Variants in ZNF804B observed in about 807,000 individuals in gnomAD.
The protein encoded by ZNF804B is zinc finger 804B.
Under a neutral mutation model 101.4 loss-of-function variants are expected in ZNF804B, and 80 were observed. The observed-to-expected ratio is 0.79, with a 90% CI of 0.66 to 0.95. The LOEUF (loss-of-function observed/expected upper bound fraction) is 0.95. Ranked by LOEUF, ZNF804B falls within the 40% of genes least tolerant of loss-of-function variation. ZNF804B has a pLI of 0.00. For synonymous variants in ZNF804B, 622 were observed against 558.8 expected, an observed-to-expected ratio of 1.11 and a Z score of -1.59; for missense variants, 1,673 against 1,561.9, an observed-to-expected ratio of 1.07 and a Z score of -1.20.
intron 1 of ZNF804B, among the ~76,000 whole-genome samples, chr7:88,949,323 C>T (rs1285273489): frequency 6.6e-6 from 1 of 151,680 alleles, no homozygotes; most frequent in Non-Finnish European, 1.5e-5. Flanking sequence ...GGCCTCTACT[C>T]ACTGGATGCT....
At chr7:89,118,605 C>T (rs1456358069) in intron 1 of ZNF804B, among the ~76,000 whole-genome samples, 2 of 151,988 alleles carry the variant, frequency 1.3e-5, no homozygotes, top group African/African-American at 4.8e-5. Context: ...TAAGAAGTGC[C>T]CCCGGCTCTC....
At chr7:89,075,681 T>A (rs569211099) in intron 1 of ZNF804B, among the ~76,000 whole-genome samples, 2 of 152,196 alleles carry the variant, frequency 1.3e-5, no homozygotes, top group Non-Finnish European at 2.9e-5. Flanking sequence ...TAGTAGAGTA[T>A]GAGAAGAAGG....
rs890375252 is a variant in ZNF804B at position 89,126,536 on chromosome 7, G to A, written c.109-91619G>A. ...GGAACTTCTTCATGACAAAAACTTA[G>A]AATGTCCATCAAGAGAATATCATTA... is the stretch of plus-strand genomic sequence containing the variant. On this transcript the variant is annotated intron_variant, in intron 1 of 3. Transcript: ENST00000333190. Among the ~76,000 whole-genome samples the A allele has an allele frequency of 3.3e-5, 5 of 151,896 alleles. No individual in the cohort carries two copies. The East Asian group carries it at 9.7e-4, about 29-fold the overall frequency.
intron 1 of ZNF804B, among the ~76,000 whole-genome samples, chr7:89,117,670 G>A (rs1049777980): frequency 2.0e-5 from 3 of 152,068 alleles, no homozygotes; most frequent in Non-Finnish European, 4.4e-5. Context: ...TGACTAAATT[G>A]TAATTATATT....
rs762059063 is a variant in ZNF804B at position 89,116,061 on chromosome 7, TG to T, written c.109-102093del. 4.3e-3 allele frequency among the ~76,000 whole-genome samples: 529 copies of T among 122,538 alleles called. 2 individuals are homozygous for T. Among genetic ancestry groups the T allele is most frequent in the Non-Finnish European group, 7.0e-3 (415 of 58,898 alleles). The allele number at this position is 122,538 out of a possible 152,430, so 80.4% of individuals were successfully genotyped here. On this transcript the variant is annotated intron_variant, in intron 1 of 3. Coordinates refer to ENST00000333190, the MANE Select transcript of ZNF804B (RefSeq NM_181646.5). ...CTGGGACTACAGGCACATGCCACCATGCCCAGTTATTATTTTTTTTTTTTGT... is the reference window on the plus strand; with the variant it reads ...CTGGGACTACAGGCACATGCCACCATCCCAGTTATTATTTTTTTTTTTTGT...
At chr7:89,067,327 C>A (rs549994240) in intron 1 of ZNF804B, among the ~76,000 whole-genome samples, 1 of 152,158 alleles carries the variant, frequency 6.6e-6, no homozygotes, top group Non-Finnish European at 1.5e-5. Flanking sequence ...CCCAGGCCTT[C>A]GTAGGGCTTA....
chr7:89,169,797 G>T (rs2116431723), intron 1 of ZNF804B, among the ~76,000 whole-genome samples: 1 of 152,244 alleles, frequency 6.6e-6, no homozygotes, highest in East Asian at 1.9e-4. Context: ...ACAGGTTGGG[G>T]AAGAAATATA....
chr7:88,877,212 A>T (rs1377792565), intron 1 of ZNF804B, among the ~76,000 whole-genome samples: 1 of 149,970 alleles, frequency 6.7e-6, no homozygotes, highest in Non-Finnish European at 1.5e-5. Flanking sequence ...GGTGTGTGCC[A>T]CTAGGGAAAA....
chr7:89,035,898 TTATA>T (rs983817633), intron 1 of ZNF804B, among the ~76,000 whole-genome samples: 6 of 145,466 alleles, frequency 4.1e-5, no homozygotes, highest in Non-Finnish European at 7.5e-5. Flanking sequence ...CATTATATTA[TTATA>T]TATTTATATA....
intron 1 of ZNF804B, among the ~76,000 whole-genome samples, chr7:89,217,472 C>T (rs981695091): frequency 6.6e-6 from 1 of 152,128 alleles, no homozygotes; most frequent in Admixed American, 6.5e-5. Flanking sequence ...AATTCATACA[C>T]CTTGTGCATA....
chr7:88,978,713 T>G (rs1793653092), intron 1 of ZNF804B, among the ~76,000 whole-genome samples: 1 of 151,688 alleles, frequency 6.6e-6, no homozygotes, highest in Non-Finnish European at 1.5e-5. Flanking sequence ...ATATTCAATA[T>G]TAAGTAAAGA....
At chr7:89,263,827 T>G (rs1789744829) in intron 2 of ZNF804B, among the ~76,000 whole-genome samples, 1 of 152,172 alleles carries the variant, frequency 6.6e-6, no homozygotes. Context: ...GGGATTCAAC[T>G]TTAAGATTTT....
At chr7:88,874,179 C>G (rs2115888070) in intron 1 of ZNF804B, among the ~76,000 whole-genome samples, 1 of 152,178 alleles carries the variant, frequency 6.6e-6, no homozygotes, top group Admixed American at 6.5e-5. Context: ...TTAAAGAGGT[C>G]CTTCACATCC....
chr7:88,792,019 C>T (rs9641035), intron 1 of ZNF804B, among the ~76,000 whole-genome samples: 11,737 of 152,010 alleles, frequency 0.077, 830 homozygotes, highest in East Asian at 0.36. Context: ...CTGTTGGCTG[C>T]GACCTTAGCT....
intron 1 of ZNF804B, among the ~76,000 whole-genome samples, chr7:89,025,118 A>C (rs1584080857): frequency 6.6e-6 from 1 of 152,082 alleles, no homozygotes; most frequent in South Asian, 2.1e-4. Context: ...TATAATGATT[A>C]GTCTTAAGCA....
chr7:89,045,029 C>T (rs1186296261), intron 1 of ZNF804B, among the ~76,000 whole-genome samples: 1 of 152,168 alleles, frequency 6.6e-6, no homozygotes, highest in African/African-American at 2.4e-5. Flanking sequence ...TGTGCTGGAC[C>T]TAGGGGCCCC....
chr7:89,060,886 A>G (rs1789370052), intron 1 of ZNF804B, among the ~76,000 whole-genome samples: 1 of 152,154 alleles, frequency 6.6e-6, no homozygotes, highest in Non-Finnish European at 1.5e-5. Context: ...TTTGTGAAAT[A>G]CATTTCTTGA....
At position 88,906,153 on chromosome 7, in the gene ZNF804B, T is replaced by C. The variant is rs182227980; in HGVS notation, c.108+146069T>C. 1.3e-4 allele frequency among the ~76,000 whole-genome samples: 20 copies of C among 151,992 alleles called. 1 individual carries two copies. The highest frequency in any genetic ancestry group is 4.8e-4 in the African/African-American group (20 of 41,492). ...ATTTCTGATTGTACTTATTTGGATC[T>C]TTTTTTTCTTTGTTTCTCTAGCTCA... On this transcript the variant is annotated intron_variant, in intron 1 of 3. Coordinates refer to ENST00000333190, the MANE Select transcript of ZNF804B (RefSeq NM_181646.5).
intron 1 of ZNF804B, among the ~76,000 whole-genome samples, chr7:88,811,644 A>G (rs998835051): frequency 2.6e-5 from 4 of 152,228 alleles, no homozygotes; most frequent in African/African-American, 4.8e-5. Context: ...ATGCAGCTAT[A>G]AAAAAGAATG....
Sources: allele counts gnomAD v4.1 joint callset (sites outside exome capture counted in the v4.1 genomes callset), GRCh38; gene constraint gnomAD v4.1.1; transcripts MANE v1.5; gene names NCBI Gene and HGNC (gene_info 2026-07-23, HGNC 2026-07-21).